The following MARCO variants were observed in gnomAD, a reference collection of about 807,000 sequenced individuals.
The protein encoded by MARCO is macrophage receptor with collagenous structure.
Under a neutral mutation model 70.0 loss-of-function variants are expected in MARCO, and 72 were observed. That is an observed-to-expected ratio of 1.03 (90% CI 0.85 to 1.25). The LOEUF (loss-of-function observed/expected upper bound fraction) is 1.25. MARCO is among the 50% of genes most tolerant of loss of function. MARCO has a pLI of 0.00. For synonymous variants in MARCO, 273 were observed against 243.1 expected, an observed-to-expected ratio of 1.12 and a Z score of -1.14; for missense variants, 696 against 659.3, an observed-to-expected ratio of 1.06 and a Z score of -0.61.
At chr2:118,948,991 G>T (rs1347128649) in intron 1 of MARCO, among the ~76,000 whole-genome samples, 2 of 152,156 alleles carry the variant, frequency 1.3e-5, no homozygotes, top group Non-Finnish European at 2.9e-5. Context: ...TCAGCTCTTG[G>T]AAGTGACTGA....
At chr2:118,974,771 A>C (rs891986708) in intron 6 of MARCO, among the ~76,000 whole-genome samples, 7 of 152,116 alleles carry the variant, frequency 4.6e-5, no homozygotes, top group African/African-American at 1.7e-4. Flanking sequence ...AGCCGCCCTC[A>C]GGGGCAGGTA....
intron 12 of MARCO, among the ~76,000 whole-genome samples, chr2:118,986,654 AAGGAAGGAAGG>A (rs1558671634): frequency 1.7e-4 from 7 of 40,272 alleles, no homozygotes; most frequent in African/African-American, 7.3e-4. Context: ...AGAAAGAAAG[AAGGAAGGAAGG>A]AAGGAAGGAA....
chr2:118,982,400 AG>A lies in MARCO; in HGVS notation c.1057del (p.Asp353ThrfsTer22). On this transcript the variant is annotated frameshift_variant, in exon 12 of 17. Transcript: ENST00000327097. LOFTEE classifies it high-confidence loss of function. ...PGATGLKGSK[G>X]DTGLQGQQGR... The stretch of plus-strand genomic sequence containing the variant: ...GAGCCACAGGCCTGAAAGGAAGCAA[AG>A]GGGACACAGGTAACAGAGGGTGCAG... The A allele has an allele frequency of 6.2e-7, 1 of 1,613,920 alleles. No homozygotes were observed. Among genetic ancestry groups the A allele is most frequent in the East Asian group, 2.2e-5 (1 of 44,854 alleles).
intron 8 of MARCO, among the ~76,000 whole-genome samples, chr2:118,978,188 G>C (rs1680322859): frequency 6.6e-6 from 1 of 152,174 alleles, no homozygotes; most frequent in South Asian, 2.1e-4. Flanking sequence ...AGCTCAGAGA[G>C]GAAGCCAAGG....
At chr2:118,951,094 T>C (rs1247813926) in intron 1 of MARCO, among the ~76,000 whole-genome samples, 2 of 152,232 alleles carry the variant, frequency 1.3e-5, no homozygotes, top group Non-Finnish European at 2.9e-5. Context: ...CTCCCACCTT[T>C]GAGCAGACCA....
At chr2:118,986,617 G>GAA (rs1442046871) in intron 12 of MARCO, among the ~76,000 whole-genome samples, 2 of 23,356 alleles carry the variant, frequency 8.6e-5, no homozygotes, top group Non-Finnish European at 1.4e-4. Context: ...AAGAAAGAAA[G>GAA]AAAGAAAGAA....
chr2:118,950,007 C>T (rs1419189328), intron 1 of MARCO: 2 of 152,174 alleles, frequency 1.3e-5, no homozygotes, highest in Non-Finnish European at 2.9e-5. Flanking sequence ...AACGTGGGTA[C>T]ATCAACAGTG....
Position 118,986,695 on chromosome 2 carries a change from AAG to A in MARCO, c.1064-3892_1064-3891del, listed in dbSNP as rs1421333031. Among the ~76,000 whole-genome samples the A allele has an allele frequency of 4.1e-4, 39 of 95,698 alleles. 4 individuals are homozygous for A. In the East Asian group the frequency reaches 5.0e-3, roughly 12 times the overall value. 62.8% of individuals were successfully genotyped at this position (95,698 alleles called of 152,430 possible). A position where few individuals can be genotyped will look rare whatever the true frequency, so the allele number is the denominator to read the frequency against. On this transcript the variant is annotated intron_variant, in intron 12 of 16. Coordinates refer to ENST00000327097, the MANE Select transcript of MARCO (RefSeq NM_006770.4). The stretch of plus-strand genomic sequence containing the variant: ...AAGGAAAGAAAGAAAGAAAGAAAGA[AAG>A]AAAGAAAGAAAGAAAGAAAGAAAGA...
intron 6 of MARCO, among the ~76,000 whole-genome samples, chr2:118,976,935 A>G (rs1309604274): frequency 2.0e-5 from 3 of 152,190 alleles, no homozygotes; most frequent in Non-Finnish European, 2.9e-5. Flanking sequence ...ATAGAGGTTT[A>G]CTTAGCTCAT....
At position 118,969,176 on chromosome 2, in the gene MARCO, G is replaced by T. The variant is rs1392081299; in HGVS notation, c.114G>T (p.Arg38Ser). ...PFEINVPKPK[R>S]RNGVNFSLAV... ...GTGTTTCAGTTCCAAAGCCCAAGAG[G>T]AGAAATGGGGTGAACTTCTCCCTAG... is the stretch of plus-strand genomic sequence containing the variant. Residue 38 changes from arginine (R) to serine (S), a missense_variant, in exon 2 of 17, where the codon AGG (arginine) becomes AGT (serine). This residue lies in a region of MARCO where 605 missense variants were observed against 537.6 expected (regional missense o/e 1.13). Transcript: ENST00000327097. 1 of 1,614,002 alleles carries T rather than the reference G, an allele frequency of 6.2e-7. No individual in the cohort carries two copies. Among genetic ancestry groups the T allele is most frequent in the Non-Finnish European group, 8.5e-7 (1 of 1,179,830 alleles).
intron 12 of MARCO, among the ~76,000 whole-genome samples, chr2:118,986,175 C>T (rs1203469622): frequency 6.6e-6 from 1 of 152,254 alleles, no homozygotes; most frequent in East Asian, 1.9e-4. Flanking sequence ...TTGCAGAAGT[C>T]TACACATACC....
chr2:118,991,874 A>G lies in MARCO; in HGVS notation c.1206A>G (p.Lys402=). The change falls in exon 14 of 17, where the codon AAA becomes AAG. Residue 402 remains lysine (K), a splice_region_variant and synonymous_variant. Transcript: ENST00000327097. The part of the protein sequence containing the change: ...QAGQKGDQGV[K]GSSGEQGVKG... The stretch of plus-strand genomic sequence containing the variant: ...GCCAGAAGGGAGACCAGGGAGTGAA[A>G]GGTAAGGCCTCTGCATCTGATTCCT... The G allele has an allele frequency of 6.3e-7, 1 of 1,589,934 alleles. No homozygotes were observed. Among genetic ancestry groups the G allele is most frequent in the Non-Finnish European group, 8.6e-7 (1 of 1,168,264 alleles).
At chr2:118,984,817 A>G (rs1395591310) in intron 12 of MARCO, among the ~76,000 whole-genome samples, 1 of 152,210 alleles carries the variant, frequency 6.6e-6, no homozygotes, top group Non-Finnish European at 1.5e-5. Context: ...GGATGTCGGT[A>G]TTCCCCAAAC....
chr2:118,958,477 A>T (rs1192665534), intron 1 of MARCO, among the ~76,000 whole-genome samples: 2 of 152,078 alleles, frequency 1.3e-5, no homozygotes, highest in Non-Finnish European at 2.9e-5. Context: ...TTCAAAGAAA[A>T]TTACAAAACA....
At chr2:118,970,019 A>G in intron 2 of MARCO, 95 bp from the exon 3 acceptor site, 1 of 1,066,926 alleles carries the variant, frequency 9.4e-7, no homozygotes, top group Non-Finnish European at 1.4e-6. Flanking sequence ...TTACAAATTC[A>G]GGGCCTGTAG....
At chr2:118,958,407 CAAA>C (rs35333881) in intron 1 of MARCO, among the ~76,000 whole-genome samples, 5,138 of 127,476 alleles carry the variant, frequency 0.04, 122 homozygotes, top group Middle Eastern at 0.063. Flanking sequence ...GCAATAGCTG[CAAA>C]AAAAAAAAAA....
In MARCO at chr2:118,986,692, A is replaced by AAG. The variant is rs1558671881; in HGVS notation, c.1064-3897_1064-3896insAG. Among the ~76,000 whole-genome samples, 51 of 96,888 alleles carry AAG rather than the reference A, an allele frequency of 5.3e-4. 1 individual carries two copies. The highest frequency in any genetic ancestry group is 3.0e-3 in the East Asian group (5 of 1,682). The allele number at this position is 96,888 out of a possible 152,430, so 63.6% of individuals were successfully genotyped here. On this transcript the variant is annotated intron_variant, in intron 12 of 16. Transcript: ENST00000327097. ...AGGAAGGAAAGAAAGAAAGAAAGAA[A>AAG]GAAAGAAAGAAAGAAAGAAAGAAAG...
chr2:118,987,030 T>C (rs1680530831), intron 12 of MARCO, among the ~76,000 whole-genome samples: 1 of 152,180 alleles, frequency 6.6e-6, no homozygotes, highest in African/African-American at 2.4e-5. Flanking sequence ...GCAGCTTCCC[T>C]GGGAGCAGGA....
Position 118,945,630 on chromosome 2 carries a change from G to C in MARCO, c.97+3233G>C, listed in dbSNP as rs768442443. Among the ~76,000 whole-genome samples, 91 of 151,834 alleles carry C rather than the reference G, an allele frequency of 6.0e-4. 1 individual carries two copies. Among genetic ancestry groups the C allele is most frequent in the Non-Finnish European group, 1.0e-3 (69 of 67,908 alleles). ...GTTTCACCATGTTGGCCAAGCTGGT[G>C]TCCAACTCCTGACCTCAAGTGATCC... On this transcript the variant is annotated intron_variant, in intron 1 of 16. Transcript: ENST00000327097.
Sources: gnomAD v4.1 joint callset for allele counts (sites outside exome capture counted in the v4.1 genomes callset) on GRCh38, gnomAD v4.1.1 for gene constraint, gnomAD v4.1.1 regional missense constraint, MANE v1.5 for transcripts, NCBI Gene and HGNC (gene_info 2026-07-23, HGNC 2026-07-21) for gene names.